GPC3: variants seen among roughly 807,000 people sequenced by gnomAD.
GPC3 encodes the protein glypican-3.
A neutral mutation model predicts 34.4 loss-of-function variants in GPC3; 3 were observed. The observed-to-expected ratio is 0.09, with a 90% CI of 0.04 to 0.23. GPC3 has a LOEUF of 0.23. Ranked by LOEUF, GPC3 falls within the 10% of genes least tolerant of loss-of-function variation. The pLI, the probability that GPC3 is intolerant of heterozygous loss-of-function variation, is 1.00. For missense variants in GPC3, 351 were observed against 445.6 expected (o/e 0.79, Z 1.91); for synonymous variants, 177 against 174.0 (o/e 1.02, Z -0.13).
At chrX:133,928,556 T>C in intron 2 of GPC3, among the ~76,000 whole-genome samples, 1 of 111,778 alleles carries the variant, frequency 8.9e-6, no homozygotes, top group East Asian at 2.8e-4. Flanking sequence ...CCATCAGCAG[T>C]GTGCAAGGGT....
intron 1 of GPC3, among the ~76,000 whole-genome samples, chrX:133,974,145 G>A (rs773996682): frequency 1.8e-5 from 2 of 111,775 alleles, no homozygotes; most frequent in Non-Finnish European, 3.8e-5. Flanking sequence ...CTGCCTCTGG[G>A]CTCAGGCAAT....
intron 6 of GPC3, among the ~76,000 whole-genome samples, chrX:133,605,818 T>C (rs1280550381): frequency 1.8e-5 from 2 of 111,616 alleles, no homozygotes; most frequent in African/African-American, 6.5e-5. Flanking sequence ...GGTGGAATTT[T>C]TGTGGGTCTG....
chrX:133,667,580 T>C (rs1404896720), intron 5 of GPC3, among the ~76,000 whole-genome samples: 1 of 111,614 alleles, frequency 9.0e-6, no homozygotes, highest in Non-Finnish European at 1.9e-5. Context: ...CTGGGTGTGG[T>C]GGCTCATGCC....
At chrX:133,603,389 G>A (rs144882435) in intron 6 of GPC3, among the ~76,000 whole-genome samples, 163 of 110,323 alleles carry the variant, frequency 1.5e-3, no homozygotes, top group African/African-American at 4.9e-3. Context: ...TGAGTGAACC[G>A]CAGACCACTC....
chrX:133,979,693 T>A (rs1413585943), intron 1 of GPC3, among the ~76,000 whole-genome samples: 2 of 111,582 alleles, frequency 1.8e-5, no homozygotes, highest in Non-Finnish European at 3.8e-5. Context: ...GAAGGTAAAT[T>A]CCCATTACTT....
At chrX:133,860,207 C>T (rs1386988608) in intron 2 of GPC3, among the ~76,000 whole-genome samples, 2 of 111,522 alleles carry the variant, frequency 1.8e-5, no homozygotes, top group East Asian at 2.8e-4. Flanking sequence ...CTGAGGCTTT[C>T]GTTCATGTGT....
intron 2 of GPC3, among the ~76,000 whole-genome samples, chrX:133,814,073 T>C (rs1396275936): frequency 1.8e-5 from 2 of 111,119 alleles, no homozygotes; most frequent in Admixed American, 1.9e-4. Context: ...TTAGGGAAAA[T>C]AGTGAGGCTT....
intron 2 of GPC3, among the ~76,000 whole-genome samples, chrX:133,891,613 A>AAAATAAAT (rs774626195): frequency 9.3e-6 from 1 of 107,959 alleles, no homozygotes; most frequent in African/African-American, 3.4e-5. Context: ...ACAAAAAGTA[A>AAAATAAAT]AAATAAATAA....
rs1358725627 is a variant in GPC3 at position 133,774,063 on chromosome X, A to G, written c.338-19887T>C. ...TGTACAAAGCACAGGACTCAAGCAA[A>G]TGTACACAGAAAATATGAAATGAGT... On this transcript the variant is annotated intron_variant, in intron 2 of 7. Transcript: ENST00000370818. Among the ~76,000 whole-genome samples, 4 of 112,326 alleles carry G rather than the reference A, an allele frequency of 3.6e-5. No individual in the cohort carries two copies. In the Admixed American group the frequency reaches 3.8e-4, roughly 11 times the overall value.
At chrX:133,558,072 A>G (rs1372557481) in intron 7 of GPC3, among the ~76,000 whole-genome samples, 1 of 110,872 alleles carries the variant, frequency 9.0e-6, no homozygotes, top group East Asian at 2.8e-4. Context: ...TTGCCAAGAG[A>G]TTAGAGAAAG....
chrX:133,626,912 A>T (rs965287686), intron 6 of GPC3, among the ~76,000 whole-genome samples: 1 of 108,199 alleles, frequency 9.2e-6, no homozygotes, highest in African/African-American at 3.4e-5. Flanking sequence ...CTTGGAACCA[A>T]CCCAAATGTC....
intron 2 of GPC3, among the ~76,000 whole-genome samples, chrX:133,866,281 T>G (rs1422206947): frequency 8.9e-6 from 1 of 111,972 alleles, no homozygotes; most frequent in East Asian, 2.8e-4. Flanking sequence ...GGTTGCTATT[T>G]ATTTAGGGGA....
At chrX:133,626,613 C>T (rs1040036924) in intron 6 of GPC3, among the ~76,000 whole-genome samples, 4 of 109,462 alleles carry the variant, frequency 3.7e-5, no homozygotes, top group Admixed American at 1.0e-4. Context: ...AACCACAATG[C>T]GATACCATCT....
intron 5 of GPC3, among the ~76,000 whole-genome samples, chrX:133,673,183 C>T (rs954270379): frequency 8.9e-6 from 1 of 112,249 alleles, no homozygotes; most frequent in African/African-American, 3.2e-5. Context: ...CGTGATCCAC[C>T]TGCCTCGGCC....
At chrX:133,572,409 A>T (rs1371616401) in intron 7 of GPC3, among the ~76,000 whole-genome samples, 1 of 111,479 alleles carries the variant, frequency 9.0e-6, no homozygotes, top group Non-Finnish European at 1.9e-5. Flanking sequence ...CAAATCAATA[A>T]CTCAAGCAAA....
chrX:133,753,746 G>A lies in GPC3; in HGVS notation c.768C>T (p.Leu256=), dbSNP rs182960589. The change falls in exon 3 of 8, where the codon CTC becomes CTT. Residue 256 remains leucine (L), a synonymous_variant. Transcript: ENST00000370818. ...LKFSKDCGRM[L]TRMWYCSYCQ... ...AGTAAGAGCAGTACCACATTCTGGT[G>A]AGCATTCGGCCACAGTCCTTACTGA... 8.3e-7 allele frequency: 1 copy of A among 1,209,872 alleles called. No individual in the cohort carries two copies. Among genetic ancestry groups the A allele is most frequent in the African/African-American group, 1.7e-5 (1 of 57,287 alleles).
chrX:133,703,622 A>G (rs1456877571), intron 3 of GPC3, among the ~76,000 whole-genome samples: 1 of 110,536 alleles, frequency 9.0e-6, no homozygotes, highest in African/African-American at 3.3e-5. Flanking sequence ...TACCACGCCC[A>G]GCTAATTTTT....
intron 2 of GPC3, among the ~76,000 whole-genome samples, chrX:133,883,862 A>G (rs2076052049): frequency 8.9e-6 from 1 of 112,199 alleles, no homozygotes; most frequent in Admixed American, 9.5e-5. Context: ...GTGTTGCATG[A>G]ATTGTTAAAT....
chrX:133,849,669 C>T (rs899269750), intron 2 of GPC3, among the ~76,000 whole-genome samples: 1 of 111,418 alleles, frequency 9.0e-6, no homozygotes, highest in South Asian at 3.8e-4. Context: ...CAGACAGGAC[C>T]CACTTAACTG....
Sources: allele counts gnomAD v4.1 joint callset (sites outside exome capture counted in the v4.1 genomes callset), GRCh38; gene constraint gnomAD v4.1.1; transcripts MANE v1.5; gene names NCBI Gene and HGNC (gene_info 2026-07-23, HGNC 2026-07-21).